The following CUL3 variants were observed in gnomAD, a reference collection of about 807,000 sequenced individuals.
CUL3 encodes cullin 3.
CUL3 carries 19 observed loss-of-function variants against 89.1 expected under a neutral mutation model. That is an observed-to-expected ratio of 0.21 (90% CI 0.15 to 0.31). The LOEUF (loss-of-function observed/expected upper bound fraction) is 0.31. CUL3 is among the 10% of genes least tolerant of loss of function. CUL3 has a pLI of 1.00. For missense variants in CUL3, 469 were observed against 942.3 expected (o/e 0.50, Z 6.58); for synonymous variants, 351 against 308.4 (o/e 1.14, Z -1.45).
At chr2:224,495,577 C>T (rs1692142533) in intron 13 of CUL3, 1 of 258,460 alleles carries the variant, frequency 3.9e-6, no homozygotes, top group Non-Finnish European at 7.3e-6. Flanking sequence ...CAAAGATGCA[C>T]TCATTTAAAA....
chr2:224,534,454 T>C (rs560758013), intron 3 of CUL3, among the ~76,000 whole-genome samples: 8 of 152,326 alleles, frequency 5.3e-5, no homozygotes, highest in South Asian at 4.1e-4. Flanking sequence ...AAAATAATTG[T>C]ATTAATATGA....
intron 3 of CUL3, among the ~76,000 whole-genome samples, chr2:224,526,402 G>A (rs947324314): frequency 4.0e-5 from 6 of 151,794 alleles, no homozygotes; most frequent in Admixed American, 2.0e-4. Context: ...TCTGGCCAAC[G>A]TGGTGAATCC....
chr2:224,584,917 G>C (rs1695543872), intron 1 of CUL3, 27 bp downstream of exon 1: 4 of 1,451,382 alleles, frequency 2.8e-6, no homozygotes, highest in East Asian at 3.1e-5. Context: ...CCGGCCCCGG[G>C]GTCCCGGACG....
At chr2:224,540,739 T>C (rs143637541) in intron 2 of CUL3, among the ~76,000 whole-genome samples, 2 of 152,314 alleles carry the variant, frequency 1.3e-5, no homozygotes, top group Non-Finnish European at 2.9e-5. Flanking sequence ...CGTGCAGGTT[T>C]GTTACATAGG....
rs924536991 is a variant in CUL3 at position 224,470,695 on chromosome 2, T to C, written c.*3550A>G. 2 of 231,708 alleles carry C rather than the reference T, an allele frequency of 8.6e-6. No individual in the cohort carries two copies. The highest frequency in any genetic ancestry group is 4.4e-5 in the African/African-American group (2 of 45,214). 14.4% of individuals were successfully genotyped at this position (231,708 alleles called of 1,614,324 possible). On this transcript the variant is annotated 3_prime_UTR_variant, in exon 16 of 16. Transcript: ENST00000264414. The stretch of plus-strand genomic sequence containing the variant: ...TCTTTTCAATGGACACATTCCAGAA[T>C]AGCAGCAATCACCTTCCCTGTTTTC...
At chr2:224,539,235 C>T (rs1694005833) in intron 2 of CUL3, among the ~76,000 whole-genome samples, 1 of 152,176 alleles carries the variant, frequency 6.6e-6, no homozygotes, top group South Asian at 2.1e-4. Flanking sequence ...CATTAGGACA[C>T]TGCAGATTAA....
chr2:224,530,035 G>C (rs1374193142), intron 3 of CUL3, among the ~76,000 whole-genome samples: 2 of 152,000 alleles, frequency 1.3e-5, no homozygotes, highest in Admixed American at 1.3e-4. Flanking sequence ...TCAGGAGATC[G>C]AGACCATGAT....
chr2:224,564,528 A>G (rs1375511942), intron 1 of CUL3, among the ~76,000 whole-genome samples: 1 of 152,154 alleles, frequency 6.6e-6, no homozygotes, highest in African/African-American at 2.4e-5. Flanking sequence ...GTTTTACTTT[A>G]TTATTGTTGT....
intron 9 of CUL3, 128 bp from the exon 10 acceptor site, chr2:224,503,200 T>C: frequency 1.4e-6 from 1 of 697,530 alleles, no homozygotes; most frequent in Non-Finnish European, 2.5e-6. Flanking sequence ...TTCCAACAGT[T>C]GCTCTGTGCC....
intron 6 of CUL3, among the ~76,000 whole-genome samples, chr2:224,507,780 A>C (rs944144258): frequency 6.6e-6 from 1 of 152,156 alleles, no homozygotes; most frequent in Non-Finnish European, 1.5e-5. Context: ...CAGTTTTCCC[A>C]TATGTCTAGT....
intron 2 of CUL3, among the ~76,000 whole-genome samples, chr2:224,546,981 C>G (rs1301966698): frequency 6.6e-6 from 1 of 152,110 alleles, no homozygotes; most frequent in Non-Finnish European, 1.5e-5. Flanking sequence ...AGTTTTCACA[C>G]CTAGCTCACA....
intron 3 of CUL3, among the ~76,000 whole-genome samples, chr2:224,529,255 C>G (rs1234845090): frequency 1.3e-5 from 2 of 151,972 alleles, no homozygotes; most frequent in South Asian, 2.1e-4. Context: ...TAATTTAAAA[C>G]TGAAAGTGAA....
chr2:224,478,608 G>A (rs774576338), intron 14 of CUL3: 10 of 301,852 alleles, frequency 3.3e-5, no homozygotes, highest in Non-Finnish European at 6.1e-5. Flanking sequence ...TTACCTGGAA[G>A]AAAAACAGTA....
At position 224,573,700 on chromosome 2, in the gene CUL3, T is replaced by C. The variant is rs188218973; in HGVS notation, c.66+11244A>G. Among the ~76,000 whole-genome samples the C allele has an allele frequency of 1.3e-3, 197 of 152,308 alleles. 1 individual carries two copies. In the Middle Eastern group the frequency reaches 0.027, roughly 21 times the overall value. On this transcript the variant is annotated intron_variant, in intron 1 of 15. Transcript: ENST00000264414. ...AATTTTCTGTATAATGAAAACAACA[T>C]GAACTTTTCAGTCAGACATACCTAG...
At chr2:224,483,493 G>A (rs772654122) in intron 13 of CUL3, among the ~76,000 whole-genome samples, 1 of 152,056 alleles carries the variant, frequency 6.6e-6, no homozygotes, top group East Asian at 1.9e-4. Context: ...AACAAGATAA[G>A]GATGCCTATC....
At position 224,557,206 on chromosome 2, in the gene CUL3, TAAAA is replaced by T. The variant is rs1372489559; in HGVS notation, c.264+449_264+452del. On this transcript the variant is annotated intron_variant, in intron 2 of 15. Transcript: ENST00000264414. ...GAACAGCCCAACAATAATTTATCTT[TAAAA>T]AAAATTCAAATGTACCACAGAACTC... 5.3e-5 allele frequency among the ~76,000 whole-genome samples: 8 copies of T among 152,000 alleles called. No homozygotes were observed. In the East Asian group the frequency reaches 1.5e-3, roughly 29 times the overall value.
At chr2:224,510,615 T>TA (rs1401815430) in intron 6 of CUL3, among the ~76,000 whole-genome samples, 1 of 152,176 alleles carries the variant, frequency 6.6e-6, no homozygotes, top group Non-Finnish European at 1.5e-5. Context: ...TTTTATTTCC[T>TA]AATACCATAT....
intron 2 of CUL3, among the ~76,000 whole-genome samples, chr2:224,543,760 A>G (rs1694198555): frequency 1.3e-5 from 2 of 152,160 alleles, no homozygotes; most frequent in African/African-American, 4.8e-5. Context: ...ACGTGGGCAC[A>G]ATGGCTTGAG....
At chr2:224,538,751 A>C (rs933630529) in intron 2 of CUL3, among the ~76,000 whole-genome samples, 1 of 152,250 alleles carries the variant, frequency 6.6e-6, no homozygotes, top group Non-Finnish European at 1.5e-5. Context: ...AAAAAAGATG[A>C]AGTGCAAGTA....
Sources: allele counts gnomAD v4.1 joint callset (sites outside exome capture counted in the v4.1 genomes callset), GRCh38; gene constraint gnomAD v4.1.1; transcripts MANE v1.5; gene names NCBI Gene and HGNC (gene_info 2026-07-23, HGNC 2026-07-21).